SRGAP2C: variants seen among roughly 807,000 people sequenced by gnomAD.
SRGAP2C encodes the protein SLIT-ROBO Rho GTPase-activating protein 2C.
In SRGAP2C, 15 loss-of-function variants were observed where a neutral mutation model predicts 25.1. That is an observed-to-expected ratio of 0.60 (90% CI 0.40 to 0.92). The LOEUF is 0.92. Ranked by LOEUF, SRGAP2C falls within the 40% of genes least tolerant of loss-of-function variation. The pLI, the probability that SRGAP2C is intolerant of heterozygous loss-of-function variation, is 0.00. For synonymous variants in SRGAP2C, 44 were observed against 96.6 expected (o/e 0.46, Z 3.19); for missense variants, 144 against 264.4 (o/e 0.54, Z 3.16).
chr1:121,310,662 C>A (rs1446473201), intron 3 of SRGAP2C, among the ~76,000 whole-genome samples: 1 of 83,514 alleles, frequency 1.2e-5, no homozygotes, highest in African/African-American at 4.5e-5. Flanking sequence ...GTTTTCCCAG[C>A]ACCATTTATT....
At chr1:121,379,296 T>C (rs587621004) in intron 7 of SRGAP2C, among the ~76,000 whole-genome samples, 85 of 151,906 alleles carry the variant, frequency 5.6e-4, no homozygotes, top group African/African-American at 2.0e-3. Context: ...GTTAATGAGC[T>C]ATCAACTCAA....
intron 4 of SRGAP2C, among the ~76,000 whole-genome samples, chr1:121,354,257 C>T (rs1427785084): frequency 2.5e-5 from 1 of 39,960 alleles, no homozygotes; most frequent in Non-Finnish European, 4.8e-5. Flanking sequence ...CTTTCTTTCT[C>T]TCTCCTTTCT....
intron 2 of SRGAP2C, among the ~76,000 whole-genome samples, chr1:121,201,763 C>A (rs587773147): frequency 1.1e-4 from 16 of 152,250 alleles, no homozygotes; most frequent in African/African-American, 3.4e-4. Flanking sequence ...AAGATAAGAG[C>A]GTGATATGTA....
intron 3 of SRGAP2C, among the ~76,000 whole-genome samples, chr1:121,313,059 TAA>T (rs1478963336): frequency 2.4e-5 from 1 of 42,276 alleles, no homozygotes; most frequent in African/African-American, 1.1e-4. Flanking sequence ...TGTGGGAGTC[TAA>T]GTCTCTTTGT....
intron 8 of SRGAP2C, among the ~76,000 whole-genome samples, chr1:121,385,033 TAA>T (rs1427272807): frequency 6.6e-6 from 1 of 151,868 alleles, no homozygotes; most frequent in African/African-American, 2.4e-5. Context: ...ATGAGTGAAA[TAA>T]AAAGAGATGA....
intron 3 of SRGAP2C, among the ~76,000 whole-genome samples, chr1:121,287,873 T>C (rs1241421885): frequency 6.6e-6 from 1 of 151,858 alleles, no homozygotes; most frequent in African/African-American, 2.4e-5. Context: ...CGTCTGGAGT[T>C]GTTCATTCCT....
chr1:121,374,644 C>T (rs1268531760), intron 6 of SRGAP2C, among the ~76,000 whole-genome samples, 182 bp from the exon 7 acceptor site: 1 of 152,102 alleles, frequency 6.6e-6, no homozygotes, highest in Non-Finnish European at 1.5e-5. Flanking sequence ...TTAACCTTTC[C>T]TGAATTGATC....
Position 121,354,259 on chromosome 1 carries a change from CTCCTTTCTTTCTTT to C in SRGAP2C, c.424-11033_424-11020del, listed in dbSNP as rs1658993735. Among the ~76,000 whole-genome samples the C allele has an allele frequency of 7.8e-5, 2 of 25,500 alleles. 1 individual carries two copies. Among genetic ancestry groups the C allele is most frequent in the Non-Finnish European group, 1.5e-4 (2 of 13,436 alleles). The allele number at this position is 25,500 out of a possible 152,430, so 16.7% of individuals were successfully genotyped here. ...GGTAGATTCCTTTCTTTCTTTCTCT[CTCCTTTCTTTCTTT>C]CTTTCTTTCTTTCTTTCTTTCTTTC... On this transcript the variant is annotated intron_variant, in intron 4 of 9. Coordinates refer to ENST00000367123, the MANE Select transcript of SRGAP2C (RefSeq NM_001329984.2).
At position 121,284,934 on chromosome 1, in the gene SRGAP2C, C is replaced by G. The variant is rs1657325714; in HGVS notation, c.199C>G (p.Leu67Val). 31 of 1,547,276 alleles carry G rather than the reference C, an allele frequency of 2.0e-5. 1 individual carries two copies. In the Middle Eastern group the frequency reaches 1.7e-3, roughly 83 times the overall value. The change falls in exon 3 of 10, where the codon CTG (leucine) becomes GTG (valine). Residue 67 changes from leucine to valine, a missense_variant. By Grantham distance (32) the Leu-to-Val change is conservative. Transcript: ENST00000367123. ...AEIEMDYSRN[L>V]EKLAEHFLAK... is the part of the protein sequence containing the mutation. ...GATTGAGATGGACTACTCCCGCAAC[C>G]TGGAGAAGCTGGCAGAACACTTCCT...
chr1:121,309,619 T>C (rs2101594602), intron 3 of SRGAP2C, among the ~76,000 whole-genome samples: 1 of 150,082 alleles, frequency 6.7e-6, no homozygotes, highest in African/African-American at 2.5e-5. Context: ...TTCCCCTTCC[T>C]GTGTCCATGT....
At chr1:121,257,263 G>A (rs868955727) in intron 2 of SRGAP2C, among the ~76,000 whole-genome samples, 18 of 144,396 alleles carry the variant, frequency 1.2e-4, no homozygotes, top group African/African-American at 3.6e-4. Flanking sequence ...CTACAGGCAC[G>A]CATCGCCATG....
At chr1:121,239,377 GTGTT>G (rs1422640142) in intron 2 of SRGAP2C, among the ~76,000 whole-genome samples, 1 of 54,398 alleles carries the variant, frequency 1.8e-5, no homozygotes, top group Non-Finnish European at 3.3e-5. Flanking sequence ...GGGAGTTAGA[GTGTT>G]TGGGCATTGG....
intron 2 of SRGAP2C, among the ~76,000 whole-genome samples, chr1:121,195,734 A>C (rs1202598701): frequency 4.7e-5 from 7 of 150,214 alleles, no homozygotes; most frequent in African/African-American, 1.7e-4. Context: ...TTCTTTAAAC[A>C]CATAGACTAC....
intron 3 of SRGAP2C, among the ~76,000 whole-genome samples, chr1:121,305,978 T>C (rs2101590135): frequency 1.3e-5 from 2 of 152,354 alleles, no homozygotes; most frequent in East Asian, 3.9e-4. Flanking sequence ...TGGGACTGTG[T>C]TGATAATCAA....
At chr1:121,296,397 T>C (rs1221450672) in intron 3 of SRGAP2C, among the ~76,000 whole-genome samples, 1 of 108,078 alleles carries the variant, frequency 9.3e-6, no homozygotes, top group African/African-American at 3.7e-5. Context: ...TTAAATGATA[T>C]ATTTATTTGT....
intron 2 of SRGAP2C, among the ~76,000 whole-genome samples, chr1:121,202,029 A>C (rs2101395297): frequency 6.6e-6 from 1 of 152,334 alleles, no homozygotes; most frequent in East Asian, 1.9e-4. Flanking sequence ...TCATTTCAGG[A>C]AAAGGGCTGT....
intron 2 of SRGAP2C, among the ~76,000 whole-genome samples, chr1:121,216,121 T>G (rs1655377686): frequency 1.3e-5 from 2 of 152,220 alleles, no homozygotes; most frequent in Admixed American, 6.5e-5. Flanking sequence ...AATCCCCATG[T>G]CACAGTGCTG....
intron 3 of SRGAP2C, among the ~76,000 whole-genome samples, chr1:121,313,939 A>G (rs1480030430): frequency 1.0e-3 from 140 of 140,118 alleles, no homozygotes; most frequent in South Asian, 6.4e-3. Context: ...TCTTTGTGGC[A>G]TTCTCTGTAT....
At chr1:121,340,190 G>A (rs1457347230) in intron 4 of SRGAP2C, among the ~76,000 whole-genome samples, 1 of 152,070 alleles carries the variant, frequency 6.6e-6, no homozygotes, top group Non-Finnish European at 1.5e-5. Flanking sequence ...GACCACATAA[G>A]CATTGCATCC....
Sources: allele counts gnomAD v4.1 joint callset (sites outside exome capture counted in the v4.1 genomes callset), GRCh38; gene constraint gnomAD v4.1.1; transcripts MANE v1.5; gene names NCBI Gene and HGNC (gene_info 2026-07-23, HGNC 2026-07-21).